F11R: variants seen among roughly 807,000 people sequenced by gnomAD.
F11R encodes the protein junctional adhesion molecule A.
A neutral mutation model predicts 39.3 loss-of-function variants in F11R; 27 were observed. The observed-to-expected ratio is 0.69, with a 90% CI of 0.51 to 0.95. The LOEUF is 0.95. F11R is among the 40% of genes least tolerant of loss of function. The pLI is 0.00. For missense variants in F11R, 335 were observed against 372.7 expected (o/e 0.90, Z 0.83); for synonymous variants, 131 against 144.9 (o/e 0.90, Z 0.69).
rs757185482 is a variant in F11R at position 161,001,284 on chromosome 1, C to T, written c.133+1G>A. 3.7e-6 allele frequency: 6 copies of T among 1,613,836 alleles called. No homozygotes were observed. The highest frequency in any genetic ancestry group is 4.5e-5 in the East Asian group (2 of 44,888). On this transcript the variant is annotated splice_donor_variant, in intron 2 of 9. Transcript: ENST00000368026. LOFTEE classifies it high-confidence loss of function. ...ACCCTCCATGGCCCCTCCCAACTCACGATTATTCTCAGGAATTCTGACTTC... is the reference window on the plus strand; with the variant it reads ...ACCCTCCATGGCCCCTCCCAACTCATGATTATTCTCAGGAATTCTGACTTC...
At chr1:161,002,959 T>TG (rs1340883058) in intron 1 of F11R, among the ~76,000 whole-genome samples, 2 of 149,890 alleles carry the variant, frequency 1.3e-5, no homozygotes, top group Admixed American at 6.6e-5. Flanking sequence ...TTTATTTGTT[T>TG]TTTTTTTTTT....
chr1:161,011,873 T>C lies in F11R; in HGVS notation c.64+9137A>G, dbSNP rs552862890. ...TGATTTTATTTTCTCCATAGTCCTTTGCATTTTCCTATTTTTCTACATGGA... is the reference window on the plus strand; with the variant it reads ...TGATTTTATTTTCTCCATAGTCCTTCGCATTTTCCTATTTTTCTACATGGA... On this transcript the variant is annotated intron_variant, in intron 1 of 9. Transcript: ENST00000368026. Among the ~76,000 whole-genome samples, 6 of 152,322 alleles carry C rather than the reference T, an allele frequency of 3.9e-5. No homozygotes were observed. In the East Asian group the frequency reaches 9.6e-4, roughly 24 times the overall value.
chr1:161,001,214 G>A, intron 2 of F11R, 71 bp downstream of exon 2: 1 of 1,596,632 alleles, frequency 6.3e-7, no homozygotes, highest in Non-Finnish European at 8.6e-7. Flanking sequence ...GGCTGGGCTG[G>A]GTGCTCTCTA....
At chr1:161,011,768 C>T (rs902913483) in intron 1 of F11R, among the ~76,000 whole-genome samples, 15 of 151,306 alleles carry the variant, frequency 9.9e-5, no homozygotes, top group Admixed American at 7.9e-4. Context: ...GAAATATAGA[C>T]GTATCTCACA....
At chr1:161,000,838 G>T in intron 3 of F11R, 61 bp from the exon 4 acceptor site, 1 of 1,600,708 alleles carries the variant, frequency 6.2e-7, no homozygotes, top group Non-Finnish European at 8.6e-7. Flanking sequence ...GGAGGCTGAT[G>T]AAGGGGGCAT....
rs924965381 is a variant in F11R at position 161,006,635 on chromosome 1, G to A, written c.65-5282C>T. The stretch of plus-strand genomic sequence containing the variant: ...TTCTGTTATTTTGTTTCAAATACAC[G>A]AACCTCCGCCTTAGTGTCCTCCCAC... On this transcript the variant is annotated intron_variant, in intron 1 of 9. Coordinates refer to ENST00000368026, the MANE Select transcript of F11R (RefSeq NM_016946.6). Among the ~76,000 whole-genome samples the A allele has an allele frequency of 3.3e-5, 5 of 152,088 alleles. No homozygotes were observed. In the East Asian group the frequency reaches 7.7e-4, roughly 23 times the overall value.
chr1:161,001,027 CTTG>C lies in F11R; in HGVS notation c.231_233del (p.Asn77del). 6.2e-7 allele frequency: 1 copy of C among 1,613,900 alleles called. No homozygotes were observed. Among genetic ancestry groups the C allele is most frequent in the Middle Eastern group, 1.6e-4 (1 of 6,062 alleles). ...GGAGGAGAAGCAACTCACCTGTGAT[CTTG>C]TTATTATAGCAAACGAGTCTGGTGG... On this transcript the variant is annotated inframe_deletion, in exon 3 of 10. Transcript: ENST00000368026.
intron 1 of F11R, among the ~76,000 whole-genome samples, chr1:161,015,573 A>C (rs936492039): frequency 6.6e-5 from 9 of 137,144 alleles, no homozygotes; most frequent in African/African-American, 2.5e-4. Flanking sequence ...CCTGGGCAAC[A>C]CAGCAAGACT....
In F11R at chr1:161,017,240, C is replaced by T. The variant is rs370858844; in HGVS notation, c.64+3770G>A. 2.5e-3 allele frequency among the ~76,000 whole-genome samples: 374 copies of T among 152,252 alleles called. 4 individuals are homozygous for T. The highest frequency in any genetic ancestry group is 8.5e-3 in the African/African-American group (354 of 41,542). On this transcript the variant is annotated intron_variant, in intron 1 of 9. Transcript: ENST00000368026. ...GGAAGGGAAAGACCTGACTGTCCCC[C>T]AGCCCAACACCTGTAAAGGGTCTGT...
At chr1:161,000,939 G>A in intron 3 of F11R, 81 bp downstream of exon 3, 1 of 1,497,746 alleles carries the variant, frequency 6.7e-7, no homozygotes, top group Non-Finnish European at 9.3e-7. Context: ...TGGGATAAGG[G>A]CACAAAGTCT....
At position 160,999,075 on chromosome 1, in the gene F11R, C is replaced by T. The variant is rs1275883932; in HGVS notation, c.832G>A (p.Val278Met). The T allele has an allele frequency of 3.1e-6, 5 of 1,614,110 alleles. No homozygotes were observed. The highest frequency in any genetic ancestry group is 4.2e-6 in the Non-Finnish European group (5 of 1,180,046). ...RTKKGTSSKK[V>M]IYSQPSARSE... ...CGGGCACTAGGCTGGCTGTAAATCA[C>T]CTTCTTACTCGAAGTCCTGTGAACA... Residue 278 changes from valine (V) to methionine (M), a missense_variant, in exon 9 of 10, where the codon GTG (valine) becomes ATG (methionine). Physicochemically the swap from Val to Met is conservative, Grantham distance 21 (BLOSUM62 1). Transcript: ENST00000368026.
rs925260460 is a variant in F11R, at chr1:160,997,639, A to G, written c.*1232T>C. On this transcript the variant is annotated 3_prime_UTR_variant, in exon 10 of 10. Transcript: ENST00000368026. Reference sequence around the variant, plus strand: ...CTTTGAGGCATTTTCCTGTTGTACAAAGGAGCCTAGGAACCCTCAAAGACC... The same window carrying G: ...CTTTGAGGCATTTTCCTGTTGTACAGAGGAGCCTAGGAACCCTCAAAGACC... The G allele has an allele frequency of 3.9e-5, 6 of 152,770 alleles. No individual in the cohort carries two copies. The highest frequency in any genetic ancestry group is 5.9e-5 in the Non-Finnish European group (4 of 68,028). 9.5% of individuals were successfully genotyped at this position (152,770 alleles called of 1,614,324 possible).
Position 160,997,659 on chromosome 1 carries a change from A to G in F11R, c.*1212T>C, listed in dbSNP as rs1648206711. 6.5e-6 allele frequency: 1 copy of G among 152,794 alleles called. No individual in the cohort carries two copies. 9.5% of individuals were successfully genotyped at this position (152,794 alleles called of 1,614,324 possible). A position where few individuals can be genotyped will look rare whatever the true frequency, so the allele number is the denominator to read the frequency against. On this transcript the variant is annotated 3_prime_UTR_variant, in exon 10 of 10. Transcript: ENST00000368026. ...GTACAAAGGAGCCTAGGAACCCTCA[A>G]AGACCTTTTCCCCTACTTACTTCCC...
Position 160,996,962 on chromosome 1 carries a change from G to A in F11R, c.*1909C>T, listed in dbSNP as rs915368999. 6.6e-6 allele frequency: 1 copy of A among 152,244 alleles called. No homozygotes were observed. The highest frequency in any genetic ancestry group is 1.5e-5 in the Non-Finnish European group (1 of 68,016). The allele number at this position is 152,244 out of a possible 1,614,324, so 9.4% of individuals were successfully genotyped here. ...GATCCTTAATAGAAAACTCAATTCTGTTAGGGATTTCCAAATAGGATAGGG... is the reference window on the plus strand; with the variant it reads ...GATCCTTAATAGAAAACTCAATTCTATTAGGGATTTCCAAATAGGATAGGG... On this transcript the variant is annotated 3_prime_UTR_variant, in exon 10 of 10. Coordinates refer to ENST00000368026, the MANE Select transcript of F11R (RefSeq NM_016946.6).
At chr1:161,016,514 G>A (rs150455570) in intron 1 of F11R, among the ~76,000 whole-genome samples, 61 of 151,002 alleles carry the variant, frequency 4.0e-4, no homozygotes, top group African/African-American at 1.4e-3. Context: ...AAAATTAGCC[G>A]GGCGTGGTGG....
At chr1:161,020,555 T>G (rs2101995632) in intron 1 of F11R, among the ~76,000 whole-genome samples, 1 of 152,298 alleles carries the variant, frequency 6.6e-6, no homozygotes, top group East Asian at 1.9e-4. Context: ...ACCACCTCCA[T>G]TTGATTTTCT....
At chr1:161,020,070 C>T (rs1309161246) in intron 1 of F11R, among the ~76,000 whole-genome samples, 1 of 152,196 alleles carries the variant, frequency 6.6e-6, no homozygotes, top group Admixed American at 6.5e-5. Context: ...ACGACACGCA[C>T]ACTCAAGAAT....
At chr1:161,016,203 G>A (rs761594952) in intron 1 of F11R, among the ~76,000 whole-genome samples, 51 of 152,248 alleles carry the variant, frequency 3.3e-4, no homozygotes, top group Non-Finnish European at 6.5e-4. Flanking sequence ...GGGGCCGGGC[G>A]CGGTGGCTCA....
intron 1 of F11R, among the ~76,000 whole-genome samples, chr1:161,020,117 C>T (rs1012069080): frequency 2.4e-4 from 36 of 152,184 alleles, no homozygotes; most frequent in Non-Finnish European, 4.7e-4. Flanking sequence ...GGTTGACTAA[C>T]GCACAAACCA....
Sources: allele counts gnomAD v4.1 joint callset (sites outside exome capture counted in the v4.1 genomes callset), GRCh38; gene constraint gnomAD v4.1.1; transcripts MANE v1.5; gene names NCBI Gene and HGNC (gene_info 2026-07-23, HGNC 2026-07-21).